Variants in FSHR observed in about 807,000 individuals in gnomAD.
FSHR encodes follicle-stimulating hormone receptor.
A neutral mutation model predicts 52.1 loss-of-function variants in FSHR; 46 were observed. The observed-to-expected ratio is 0.88, with a 90% CI of 0.70 to 1.13. FSHR has a LOEUF of 1.13. FSHR is among the 50% of genes most tolerant of loss of function. The probability of loss-of-function intolerance (pLI) is 0.00; values close to 1 mark genes in which losing one functional copy is unlikely to be tolerated. For missense variants in FSHR, 964 were observed against 834.6 expected (o/e 1.16, Z -1.91); for synonymous variants, 399 against 309.6 (o/e 1.29, Z -3.03).
intron 8 of FSHR, among the ~76,000 whole-genome samples, chr2:48,980,266 G>A (rs1675188258): frequency 6.6e-6 from 1 of 152,218 alleles, no homozygotes; most frequent in African/African-American, 2.4e-5. Flanking sequence ...ACCTTTTTAA[G>A]TCATGGGGAG....
chr2:48,969,762 G>C (rs1674654151), intron 8 of FSHR, among the ~76,000 whole-genome samples: 1 of 152,198 alleles, frequency 6.6e-6, no homozygotes, highest in African/African-American at 2.4e-5. Flanking sequence ...AGTTTAACCA[G>C]GTCCCTGCCC....
At chr2:49,031,196 C>G (rs577639669) in intron 2 of FSHR, among the ~76,000 whole-genome samples, 1 of 152,074 alleles carries the variant, frequency 6.6e-6, no homozygotes, top group South Asian at 2.1e-4. Flanking sequence ...TGGCTCTGTG[C>G]GGAGGGAGAA....
chr2:49,131,515 C>T (rs867654248), intron 1 of FSHR, among the ~76,000 whole-genome samples: 2 of 152,272 alleles, frequency 1.3e-5, no homozygotes, highest in Non-Finnish European at 2.9e-5. Context: ...ATTCAGTTTA[C>T]GGAGATTTGA....
chr2:49,057,054 A>C (rs546041913), intron 2 of FSHR, among the ~76,000 whole-genome samples: 1 of 152,254 alleles, frequency 6.6e-6, no homozygotes, highest in East Asian at 1.9e-4. Flanking sequence ...ATATGAAAAA[A>C]CAAGAAAGAT....
At chr2:49,061,838 A>C (rs1021247968) in intron 2 of FSHR, among the ~76,000 whole-genome samples, 7 of 113,208 alleles carry the variant, frequency 6.2e-5, no homozygotes, top group Admixed American at 6.0e-4. Flanking sequence ...ATGTTTATAT[A>C]AATATAAATA....
intron 6 of FSHR, among the ~76,000 whole-genome samples, 191 bp downstream of exon 6, chr2:48,988,786 T>G (rs1359467150): frequency 6.6e-6 from 1 of 152,194 alleles, no homozygotes. Flanking sequence ...CCCAGAATCA[T>G]AAATTATTAA....
chr2:48,998,811 G>A (rs928050963), intron 4 of FSHR, among the ~76,000 whole-genome samples: 8 of 151,784 alleles, frequency 5.3e-5, no homozygotes, highest in Admixed American at 1.3e-4. Context: ...TCAAAATATT[G>A]TTATTATATT....
chr2:49,150,770 C>T (rs2103861009), intron 1 of FSHR, among the ~76,000 whole-genome samples: 1 of 152,148 alleles, frequency 6.6e-6, no homozygotes. Flanking sequence ...CTCAGGCTGC[C>T]TAAACCCCAC....
At chr2:49,080,241 C>T (rs1670117133) in intron 1 of FSHR, among the ~76,000 whole-genome samples, 1 of 152,138 alleles carries the variant, frequency 6.6e-6, no homozygotes, top group Admixed American at 6.6e-5. Flanking sequence ...ATATTTTCTA[C>T]AGTCTTGATG....
At chr2:49,092,292 A>G (rs1670642651) in intron 1 of FSHR, among the ~76,000 whole-genome samples, 1 of 152,186 alleles carries the variant, frequency 6.6e-6, no homozygotes, top group South Asian at 2.1e-4. Flanking sequence ...TGGTTTTTCT[A>G]TGTAGACAAT....
At chr2:49,022,036 G>A (rs1667743751) in intron 2 of FSHR, among the ~76,000 whole-genome samples, 1 of 151,006 alleles carries the variant, frequency 6.6e-6, no homozygotes, top group Admixed American at 6.6e-5. Flanking sequence ...GAAGAAGAAA[G>A]CCTTCATTTG....
At chr2:49,054,874 T>C (rs1281149203) in intron 2 of FSHR, among the ~76,000 whole-genome samples, 2 of 151,934 alleles carry the variant, frequency 1.3e-5, no homozygotes, top group African/African-American at 4.8e-5. Flanking sequence ...CCAAGACTCA[T>C]CCAAATGAAT....
chr2:49,014,725 C>T, intron 4 of FSHR: 1 of 223,142 alleles, frequency 4.5e-6, no homozygotes. Context: ...TTCAGATATG[C>T]TATTATTATC....
At chr2:48,976,594 T>A (rs747484526) in intron 8 of FSHR, among the ~76,000 whole-genome samples, 32 of 152,206 alleles carry the variant, frequency 2.1e-4, no homozygotes, top group Non-Finnish European at 3.7e-4. Flanking sequence ...AGAATTTGGC[T>A]GTGAATCTGT....
intron 1 of FSHR, among the ~76,000 whole-genome samples, chr2:49,111,869 C>G (rs1460018952): frequency 6.6e-6 from 1 of 152,186 alleles, no homozygotes; most frequent in Non-Finnish European, 1.5e-5. Flanking sequence ...TCAAACAGTA[C>G]ATTGTCTTTA....
intron 1 of FSHR, among the ~76,000 whole-genome samples, chr2:49,135,776 A>G (rs894624456): frequency 6.6e-6 from 1 of 152,218 alleles, no homozygotes; most frequent in East Asian, 1.9e-4. Context: ...TGTGTATTGT[A>G]TACTGTATTC....
At chr2:49,065,994 C>T (rs13007952) in intron 2 of FSHR, among the ~76,000 whole-genome samples, 52,632 of 151,908 alleles carry the variant, frequency 0.35, 9,728 homozygotes, top group East Asian at 0.49. Flanking sequence ...GTAGAATTCA[C>T]TGGATCTTGT....
At chr2:49,010,394 G>A (rs1222751674) in intron 4 of FSHR, among the ~76,000 whole-genome samples, 1 of 151,856 alleles carries the variant, frequency 6.6e-6, no homozygotes, top group African/African-American at 2.4e-5. Flanking sequence ...GATCATGGTG[G>A]ATAAGCTTTT....
chr2:49,153,771 C>T (rs1212226903), intron 1 of FSHR, among the ~76,000 whole-genome samples: 1 of 152,072 alleles, frequency 6.6e-6, no homozygotes, highest in Non-Finnish European at 1.5e-5. Context: ...CCTTTTTACA[C>T]CCAAAAGCAG....
Sources: allele counts gnomAD v4.1 joint callset (sites outside exome capture counted in the v4.1 genomes callset), GRCh38; gene constraint gnomAD v4.1.1; transcripts MANE v1.5; gene names NCBI Gene and HGNC (gene_info 2026-07-23, HGNC 2026-07-21).